Variants in GON7 observed in about 807,000 individuals in gnomAD.
GON7 encodes GON7 subunit of KEOPS complex, also known as EKC/KEOPS complex subunit GON7.
A neutral mutation model predicts 7.6 loss-of-function variants in GON7; 2 were observed. The observed-to-expected ratio is 0.26, with a 90% CI of 0.11 to 0.83. The LOEUF (loss-of-function observed/expected upper bound fraction) is 0.83. GON7 is among the 40% of genes least tolerant of loss of function. The pLI is 0.65. For synonymous variants in GON7, 54 were observed against 56.6 expected, an observed-to-expected ratio of 0.95 and a Z score of 0.20; for missense variants, 121 against 132.2, an observed-to-expected ratio of 0.92 and a Z score of 0.42.
At chr14:93,203,917 T>C (rs1485008227) in intron 1 of GON7, 135 bp from the exon 2 acceptor site, 6 of 599,252 alleles carry the variant, frequency 1.0e-5, no homozygotes, top group Non-Finnish European at 1.7e-5. Context: ...TAAAATGATT[T>C]TGAGAATTTC....
At chr14:93,205,774 A>T (rs553407057) in intron 1 of GON7, among the ~76,000 whole-genome samples, 21 of 152,312 alleles carry the variant, frequency 1.4e-4, no homozygotes, top group African/African-American at 5.1e-4. Flanking sequence ...CAAAACTGGA[A>T]AGGCAAGGGA....
chr14:93,205,857 A>G (rs180765292), intron 1 of GON7, among the ~76,000 whole-genome samples: 78 of 152,290 alleles, frequency 5.1e-4, no homozygotes, highest in African/African-American at 1.8e-3. Context: ...TCTGCGATAG[A>G]TTGTACTCTT....
chr14:93,206,873 T>C lies in GON7; in HGVS notation c.165A>G (p.Glu55=). ...TELFDPLVQG[E]VQHRVAAAPD... ...GAGCCGCCGCCACCCGGTGCTGCAC[T>C]TCCCCCTGTACCAGAGGGTCGAATA... The change falls in exon 1 of 2, where the codon GAA becomes GAG. Residue 55 remains glutamate, a synonymous_variant. Coordinates refer to ENST00000306954, the MANE Select transcript of GON7 (RefSeq NM_032490.5). The C allele has an allele frequency of 1.2e-6, 2 of 1,614,138 alleles. No individual in the cohort carries two copies. Among genetic ancestry groups the C allele is most frequent in the South Asian group, 1.1e-5 (1 of 91,080 alleles).
rs775727863 is a variant in GON7 at position 93,207,026 on chromosome 14, C to T, written c.12G>A (p.Leu4=). ...TCCCTTCCTGCCCGACGTACTCTCC[C>T]AGCAGCTCCATGGTGACCGCTAAGC... MEL[L]GEYVGQEGKP... Residue 4 remains leucine, a synonymous_variant, in exon 1 of 2, where the codon CTG becomes CTA. Transcript: ENST00000306954. The T allele has an allele frequency of 5.0e-6, 8 of 1,613,178 alleles. No homozygotes were observed. The East Asian group carries it at 6.7e-5, about 13-fold the overall frequency.
rs1053231997 is a variant in GON7, at chr14:93,204,144, C to T, written c.209-362G>A. Among the ~76,000 whole-genome samples, 6 of 152,196 alleles carry T rather than the reference C, an allele frequency of 3.9e-5. No homozygotes were observed. The East Asian group carries it at 5.8e-4, about 15-fold the overall frequency. On this transcript the variant is annotated intron_variant, in intron 1 of 1. Transcript: ENST00000306954. ...CCAAGTAGCTGGGATTACAGGCACG[C>T]GCTACCACGCCCGGCTAATTTTTTG... is the stretch of plus-strand genomic sequence containing the variant.
rs1425046544 is a variant in GON7, at chr14:93,204,323, C to A, written c.209-541G>T. 2.0e-5 allele frequency among the ~76,000 whole-genome samples: 3 copies of A among 152,288 alleles called. No individual in the cohort carries two copies. The East Asian group carries it at 5.8e-4, about 29-fold the overall frequency. ...TCCACTCTTTTAAAAAGTGTACGGC[C>A]TAGTGGTTTTTAGTATATTCACTAG... On this transcript the variant is annotated intron_variant, in intron 1 of 1. Coordinates refer to ENST00000306954, the MANE Select transcript of GON7 (RefSeq NM_032490.5).
Position 93,206,964 on chromosome 14 carries a change from C to T in GON7, c.74G>A (p.Gly25Asp). ...CAGGCCCTGGAAAGGGTCGCCGTCA[C>T]CCGGCGCCTCACAGGACACCCGCAG... is the stretch of plus-strand genomic sequence containing the variant. The part of the protein sequence containing the change: ...QKLRVSCEAP[G>D]DGDPFQGLLS... The change falls in exon 1 of 2, where the codon GGT becomes GAT. Residue 25 changes from glycine (G) to aspartate (D), a missense_variant. Coordinates refer to ENST00000306954, the MANE Select transcript of GON7 (RefSeq NM_032490.5). The T allele has an allele frequency of 6.2e-7, 1 of 1,614,242 alleles. No homozygotes were observed. Among genetic ancestry groups the T allele is most frequent in the African/African-American group, 1.3e-5 (1 of 75,078 alleles).
Position 93,206,987 on chromosome 14 carries a change from C to T in GON7, c.51G>A (p.Leu17=). 1 of 1,614,164 alleles carries T rather than the reference C, an allele frequency of 6.2e-7. No homozygotes were observed. Among genetic ancestry groups the T allele is most frequent in the South Asian group, 1.1e-5 (1 of 91,090 alleles). ...YVGQEGKPQK[L]RVSCEAPGDG... ...CACCCGGCGCCTCACAGGACACCCGCAGCTTCTGCGGCTTCCCTTCCTGCC... is the reference window on the plus strand; with the variant it reads ...CACCCGGCGCCTCACAGGACACCCGTAGCTTCTGCGGCTTCCCTTCCTGCC... The change falls in exon 1 of 2, where the codon CTG becomes CTA. Residue 17 remains leucine (L), a synonymous_variant. Transcript: ENST00000306954.
intron 1 of GON7, among the ~76,000 whole-genome samples, chr14:93,205,691 A>G (rs2140094001): frequency 6.6e-6 from 1 of 152,002 alleles, no homozygotes; most frequent in East Asian, 1.9e-4. Flanking sequence ...GTACCTGCCT[A>G]TTTCTGCATT....
chr14:93,203,658 G>A lies in GON7; in HGVS notation c.*30C>T, dbSNP rs1334344892. 1.3e-6 allele frequency: 2 copies of A among 1,573,058 alleles called. No individual in the cohort carries two copies. The highest frequency in any genetic ancestry group is 1.7e-6 in the Non-Finnish European group (2 of 1,143,066). On this transcript the variant is annotated 3_prime_UTR_variant, in exon 2 of 2. Coordinates refer to ENST00000306954, the MANE Select transcript of GON7 (RefSeq NM_032490.5). Reference sequence around the variant, plus strand: ...CTAGTGTGACAATAAGGATACAACAGCCATCTTTTAAATGTCATGAAGGCT... The same window carrying A: ...CTAGTGTGACAATAAGGATACAACAACCATCTTTTAAATGTCATGAAGGCT...
Position 93,203,394 on chromosome 14 carries a change from T to A in GON7, c.*294A>T, listed in dbSNP as rs749328506. On this transcript the variant is annotated 3_prime_UTR_variant, in exon 2 of 2. Transcript: ENST00000306954. The stretch of plus-strand genomic sequence containing the variant: ...ACATCACACAAATCAATGATTATTT[T>A]AAAAATAGAAAACAATGATAAAAAT... The A allele has an allele frequency of 3.1e-6, 1 of 322,914 alleles. No individual in the cohort carries two copies. Among genetic ancestry groups the A allele is most frequent in the Non-Finnish European group, 5.7e-6 (1 of 176,598 alleles). 20.0% of individuals were successfully genotyped at this position (322,914 alleles called of 1,614,324 possible).
At chr14:93,204,269 C>T (rs943510188) in intron 1 of GON7, among the ~76,000 whole-genome samples, 1 of 152,202 alleles carries the variant, frequency 6.6e-6, no homozygotes, top group African/African-American at 2.4e-5. Flanking sequence ...GCTGGGATTA[C>T]AGGTATGAAC....
Position 93,203,015 on chromosome 14 carries a change from C to G in GON7, c.*673G>C, listed in dbSNP as rs1373324413. The stretch of plus-strand genomic sequence containing the variant: ...TCAATGCAGATTGTTTACTTAAGGC[C>G]TTATATTTGTACCTGTATAAATACC... On this transcript the variant is annotated 3_prime_UTR_variant, in exon 2 of 2. Transcript: ENST00000306954. The G allele has an allele frequency of 6.6e-6, 1 of 152,088 alleles. No homozygotes were observed. The highest frequency in any genetic ancestry group is 1.5e-5 in the Non-Finnish European group (1 of 68,026). 9.4% of individuals were successfully genotyped at this position (152,088 alleles called of 1,614,324 possible).
intron 1 of GON7, among the ~76,000 whole-genome samples, 185 bp from the exon 2 acceptor site, chr14:93,203,967 G>A (rs2140093100): frequency 6.6e-6 from 1 of 151,992 alleles, no homozygotes; most frequent in South Asian, 2.1e-4. Context: ...TTCCTCTTTG[G>A]AAATATTAGT....
rs765437405 is a variant in GON7, at chr14:93,203,711, T to G, written c.280A>C (p.Lys94Gln). 5 of 1,614,126 alleles carry G rather than the reference T, an allele frequency of 3.1e-6. No individual in the cohort carries two copies. Among genetic ancestry groups the G allele is most frequent in the Non-Finnish European group, 4.2e-6 (5 of 1,179,998 alleles). Residue 94 changes from lysine (K) to glutamine (Q), a missense_variant, in exon 2 of 2, where the codon AAA (lysine) becomes CAA (glutamine). Physicochemically the swap from Lys to Gln is moderately conservative, Grantham distance 53. Transcript: ENST00000306954. ...TGTTAAGACGGTGTTTTTGGCCGTT[T>G]TGCAGATGGTCCATCGAAGTTAGTT... is the stretch of plus-strand genomic sequence containing the variant. ...NRTNFDGPSA[K>Q]RPKTPS
chr14:93,204,719 C>T (rs1894309665), intron 1 of GON7, among the ~76,000 whole-genome samples: 1 of 152,236 alleles, frequency 6.6e-6, no homozygotes, highest in Admixed American at 6.5e-5. Context: ...TGTTGTAGCA[C>T]ATGTTAATAC....
intron 1 of GON7, among the ~76,000 whole-genome samples, chr14:93,204,254 A>C (rs1246152476): frequency 1.3e-5 from 2 of 152,196 alleles, no homozygotes; most frequent in Non-Finnish European, 2.9e-5. Flanking sequence ...TCGGCCTCCC[A>C]AAGTGCTGGG....
At position 93,203,815 on chromosome 14, in the gene GON7, C is replaced by T. The variant is rs369111205; in HGVS notation, c.209-33G>A. 296 of 1,533,886 alleles carry T rather than the reference C, an allele frequency of 1.9e-4. 1 individual carries two copies. The highest frequency in any genetic ancestry group is 2.7e-4 in the Admixed American group (16 of 59,390). Reference sequence around the variant, plus strand: ...AATAAATATTTGTTGTATGACAATACGTTCTATGGCTGAAAGAAATATATA... The same window carrying T: ...AATAAATATTTGTTGTATGACAATATGTTCTATGGCTGAAAGAAATATATA... On this transcript the variant is annotated intron_variant, in intron 1 of 1. Transcript: ENST00000306954.
In GON7 at chr14:93,203,509, T is replaced by C. The variant is rs1894288262; in HGVS notation, c.*179A>G. 1 of 499,640 alleles carries C rather than the reference T, an allele frequency of 2.0e-6. No homozygotes were observed. The highest frequency in any genetic ancestry group is 3.4e-5 in the Admixed American group (1 of 29,000). 31.0% of individuals were successfully genotyped at this position (499,640 alleles called of 1,614,324 possible). A position where few individuals can be genotyped will look rare whatever the true frequency, so the allele number is the denominator to read the frequency against. ...ATTTATTTCTCAAGAAAACAGATTTTATTTCTAAGCCTTTACTATCTTTGC... is the reference window on the plus strand; with the variant it reads ...ATTTATTTCTCAAGAAAACAGATTTCATTTCTAAGCCTTTACTATCTTTGC... On this transcript the variant is annotated 3_prime_UTR_variant, in exon 2 of 2. Coordinates refer to ENST00000306954, the MANE Select transcript of GON7 (RefSeq NM_032490.5).
Sources: gnomAD v4.1 joint callset for allele counts (sites outside exome capture counted in the v4.1 genomes callset) on GRCh38, gnomAD v4.1.1 for gene constraint, MANE v1.5 for transcripts, NCBI Gene and HGNC (gene_info 2026-07-23, HGNC 2026-07-21) for gene names.